RGS17: variants seen among roughly 807,000 people sequenced by gnomAD.
The protein encoded by RGS17 is regulator of G protein signaling 17.
RGS17 carries 12 observed loss-of-function variants against 25.5 expected under a neutral mutation model. The ratio of observed to expected loss-of-function variants is 0.47; its 90% CI spans 0.30 to 0.76. The LOEUF is 0.76. Ranked by LOEUF, RGS17 falls within the 30% of genes least tolerant of loss-of-function variation. The pLI, the probability that RGS17 is intolerant of heterozygous loss-of-function variation, is 0.07. For missense variants in RGS17, 196 were observed against 242.2 expected, an observed-to-expected ratio of 0.81 and a Z score of 1.27; for synonymous variants, 71 against 76.9, an observed-to-expected ratio of 0.92 and a Z score of 0.40.
At position 153,094,914 on chromosome 6, in the gene RGS17, T is replaced by TAC. The variant is rs1562332475; in HGVS notation, c.-26+36209_-26+36210insGT. On this transcript the variant is annotated intron_variant, in intron 1 of 4. Coordinates refer to ENST00000206262, the MANE Select transcript of RGS17 (RefSeq NM_012419.5). ...AAACATTTTAAATCACTTTTTATAA[T>TAC]TACATTCACAATATAATTGTGAATT... 1.4e-4 allele frequency among the ~76,000 whole-genome samples: 22 copies of TAC among 151,972 alleles called. No individual in the cohort carries two copies. In the South Asian group the frequency reaches 1.9e-3, roughly 13 times the overall value.
At chr6:153,089,473 A>C (rs1373540355) in intron 1 of RGS17, among the ~76,000 whole-genome samples, 3 of 152,202 alleles carry the variant, frequency 2.0e-5, no homozygotes, top group Non-Finnish European at 2.9e-5. Context: ...GAAGTGGTCC[A>C]GTCATTTAGT....
At chr6:153,014,698 T>G (rs568400702) in intron 4 of RGS17, among the ~76,000 whole-genome samples, 1 of 151,326 alleles carries the variant, frequency 6.6e-6, no homozygotes, top group African/African-American at 2.4e-5. Flanking sequence ...CTTGGGAGGC[T>G]GAGGCAGGAG....
At chr6:153,020,287 G>A (rs868488365) in intron 4 of RGS17, among the ~76,000 whole-genome samples, 5 of 149,654 alleles carry the variant, frequency 3.3e-5, no homozygotes, top group African/African-American at 1.2e-4. Context: ...CCAGGTAGCT[G>A]GGATTACAGG....
chr6:153,048,988 T>G (rs1776422051), intron 1 of RGS17, among the ~76,000 whole-genome samples: 1 of 152,204 alleles, frequency 6.6e-6, no homozygotes, highest in Admixed American at 6.5e-5. Context: ...ATGGTGAATT[T>G]TACAGCATTC....
At chr6:153,085,747 C>T (rs533429366) in intron 1 of RGS17, among the ~76,000 whole-genome samples, 170 of 152,174 alleles carry the variant, frequency 1.1e-3, no homozygotes, top group Non-Finnish European at 2.2e-3. Flanking sequence ...ACATTTCCTT[C>T]ATTACTCTTA....
chr6:153,108,801 G>A (rs9479511), intron 1 of RGS17, among the ~76,000 whole-genome samples: 1 of 151,012 alleles, frequency 6.6e-6, no homozygotes, highest in Non-Finnish European at 1.5e-5. Context: ...ATGAATGCAA[G>A]AGTGTGCATG....
chr6:153,107,149 A>G lies in RGS17; in HGVS notation c.-26+23975T>C, dbSNP rs561005203. On this transcript the variant is annotated intron_variant, in intron 1 of 4. Transcript: ENST00000206262. ...GAAGTTCAAGACCAGCCTGGTCAAC[A>G]TGGTGAAACCCCATCTCTACTCAAT... 2.5e-4 allele frequency among the ~76,000 whole-genome samples: 37 copies of G among 150,894 alleles called. No individual in the cohort carries two copies. The South Asian group carries it at 3.5e-3, about 14-fold the overall frequency.
At chr6:153,057,870 A>G (rs548491779) in intron 1 of RGS17, among the ~76,000 whole-genome samples, 4 of 152,182 alleles carry the variant, frequency 2.6e-5, no homozygotes, top group African/African-American at 9.6e-5. Context: ...TCATGCTCCT[A>G]TGGGAATTTA....
At chr6:153,126,601 T>C (rs1777708042) in intron 1 of RGS17, among the ~76,000 whole-genome samples, 1 of 152,170 alleles carries the variant, frequency 6.6e-6, no homozygotes, top group Non-Finnish European at 1.5e-5. Context: ...AGACAAAAAC[T>C]GCTTATCAGT....
At chr6:153,070,254 G>C (rs1776768483) in intron 1 of RGS17, among the ~76,000 whole-genome samples, 1 of 151,860 alleles carries the variant, frequency 6.6e-6, no homozygotes. Context: ...GAAGTATGAT[G>C]ATTCTCTATT....
chr6:153,039,905 TTTTC>T (rs1431042964), intron 2 of RGS17, among the ~76,000 whole-genome samples: 1 of 152,146 alleles, frequency 6.6e-6, no homozygotes, highest in African/African-American at 2.4e-5. Context: ...TCTTTCAAAG[TTTTC>T]TTTCTTATAA....
At chr6:153,103,316 T>C (rs1777332503) in intron 1 of RGS17, among the ~76,000 whole-genome samples, 1 of 152,224 alleles carries the variant, frequency 6.6e-6, no homozygotes, top group Non-Finnish European at 1.5e-5. Flanking sequence ...CCCTTTGTGT[T>C]CATAATTTAT....
chr6:153,106,689 C>G lies in RGS17; in HGVS notation c.-26+24435G>C, dbSNP rs1030572375. ...TGGAGTTTCCCTCTTGTTGCCCAAGCTGGAGTGCAATGGTGCGATTTCAGC... is the reference window on the plus strand; with the variant it reads ...TGGAGTTTCCCTCTTGTTGCCCAAGGTGGAGTGCAATGGTGCGATTTCAGC... On this transcript the variant is annotated intron_variant, in intron 1 of 4. Transcript: ENST00000206262. 5.3e-5 allele frequency among the ~76,000 whole-genome samples: 8 copies of G among 152,054 alleles called. No homozygotes were observed. In the South Asian group the frequency reaches 1.4e-3, roughly 28 times the overall value.
intron 4 of RGS17, among the ~76,000 whole-genome samples, chr6:153,020,126 ATATATATATATATTTTTTTTTTTTTTTT>A (rs1779229172): frequency 1.1e-5 from 1 of 93,526 alleles, no homozygotes; most frequent in South Asian, 4.0e-4. Context: ...ATATATATAT[ATATATATATATATTTTTTTTTTTTTTTT>A]TTTTTTTTTT....
rs1223081495 is a variant in RGS17 at position 153,010,099 on chromosome 6, G to A, written c.*1475C>T. The A allele has an allele frequency of 6.6e-6, 1 of 151,690 alleles. No homozygotes were observed. Among genetic ancestry groups the A allele is most frequent in the East Asian group, 1.9e-4 (1 of 5,182 alleles). 9.4% of individuals were successfully genotyped at this position (151,690 alleles called of 1,614,324 possible). On this transcript the variant is annotated 3_prime_UTR_variant, in exon 5 of 5. Coordinates refer to ENST00000206262, the MANE Select transcript of RGS17 (RefSeq NM_012419.5). ...TAATATCATCCTTAATATAAGGCCA[G>A]TGTTCTCAGTGGATATAAATCTTTT...
intron 2 of RGS17, among the ~76,000 whole-genome samples, chr6:153,032,535 A>G (rs1216096402): frequency 7.8e-5 from 8 of 103,044 alleles, no homozygotes; most frequent in Admixed American, 6.6e-4. Context: ...AATAAAGGAA[A>G]AACTGAAAAA....
Position 153,004,554 on chromosome 6 carries a change from A to C in RGS17, c.*7020T>G, listed in dbSNP as rs986271485. The C allele has an allele frequency of 3.9e-5, 6 of 152,220 alleles. No homozygotes were observed. The highest frequency in any genetic ancestry group is 1.4e-4 in the African/African-American group (6 of 41,468). 9.4% of individuals were successfully genotyped at this position (152,220 alleles called of 1,614,324 possible). ...TAACATCCATAGGTTTCCACAATCT[A>C]GTAAAATGAAAACAGCTGTATTTTG... is the stretch of plus-strand genomic sequence containing the variant. On this transcript the variant is annotated 3_prime_UTR_variant, in exon 5 of 5. Coordinates refer to ENST00000206262, the MANE Select transcript of RGS17 (RefSeq NM_012419.5).
intron 1 of RGS17, among the ~76,000 whole-genome samples, chr6:153,053,257 G>A (rs1042703820): frequency 1.3e-5 from 2 of 152,008 alleles, no homozygotes; most frequent in Admixed American, 1.3e-4. Context: ...AAACAATGTT[G>A]AATAAAAAAG....
At chr6:153,073,422 A>G (rs1272346961) in intron 1 of RGS17, among the ~76,000 whole-genome samples, 4 of 152,198 alleles carry the variant, frequency 2.6e-5, no homozygotes, top group Admixed American at 2.6e-4. Context: ...TCTATCAAAG[A>G]AGGTTTAGCA....
Sources: allele counts gnomAD v4.1 joint callset (sites outside exome capture counted in the v4.1 genomes callset), GRCh38; gene constraint gnomAD v4.1.1; transcripts MANE v1.5; gene names NCBI Gene and HGNC (gene_info 2026-07-23, HGNC 2026-07-21).